Variants in AFAP1L2 observed in about 807,000 individuals in gnomAD.
AFAP1L2 encodes actin filament-associated protein 1-like 2.
AFAP1L2 carries 46 observed loss-of-function variants against 99.3 expected under a neutral mutation model. The observed-to-expected ratio is 0.46, with a 90% CI of 0.37 to 0.59. The LOEUF is 0.59. Ranked by LOEUF, AFAP1L2 falls within the 20% of genes least tolerant of loss-of-function variation. The pLI, the probability that AFAP1L2 is intolerant of heterozygous loss-of-function variation, is 0.00. For synonymous variants in AFAP1L2, 397 were observed against 419.1 expected (o/e 0.95, Z 0.64); for missense variants, 959 against 1,034.9 (o/e 0.93, Z 1.01).
At chr10:114,358,069 G>A (rs926158169) in intron 1 of AFAP1L2, among the ~76,000 whole-genome samples, 3 of 152,178 alleles carry the variant, frequency 2.0e-5, no homozygotes, top group Admixed American at 6.5e-5. Context: ...TCACTTCAAA[G>A]TGAAGTTGAA....
chr10:114,323,176 A>T lies in AFAP1L2; in HGVS notation c.401T>A (p.Leu134His), dbSNP rs1228057073. The stretch of plus-strand genomic sequence containing the variant: ...CCCCAGCCGCTGGGATGTACCATTG[A>T]GGGATGTGTCATATGGCTCAGCCTC... ...YEEAEPYDTSLNEDGEAVSSS... is the reference protein window; with the variant it reads ...YEEAEPYDTSHNEDGEAVSSS... Residue 134 changes from leucine to histidine, a missense_variant, in exon 5 of 19, where the codon CTC (leucine) becomes CAC (histidine). By Grantham distance (99) the Leu-to-His change is moderately conservative. Transcript: ENST00000304129. 1 of 1,594,718 alleles carries T rather than the reference A, an allele frequency of 6.3e-7. No homozygotes were observed. The highest frequency in any genetic ancestry group is 8.6e-7 in the Non-Finnish European group (1 of 1,169,206).
At position 114,397,894 on chromosome 10, in the gene AFAP1L2, G is replaced by A. The variant is rs74160403; in HGVS notation, c.16+6546C>T. Reference sequence around the variant, plus strand: ...TTTGAAGTCCTGGGAGGAGCTCCAGGAAGTGAGAAGAGAACTCAGGGGCCT... The same window carrying A: ...TTTGAAGTCCTGGGAGGAGCTCCAGAAAGTGAGAAGAGAACTCAGGGGCCT... On this transcript the variant is annotated intron_variant, in intron 1 of 18. Transcript: ENST00000304129. 1.1e-3 allele frequency among the ~76,000 whole-genome samples: 170 copies of A among 152,288 alleles called. 1 individual carries two copies. The highest frequency in any genetic ancestry group is 3.9e-3 in the African/African-American group (164 of 41,556).
At chr10:114,346,951 C>T (rs1222242831) in intron 1 of AFAP1L2, among the ~76,000 whole-genome samples, 2 of 152,306 alleles carry the variant, frequency 1.3e-5, no homozygotes, top group East Asian at 1.9e-4. Flanking sequence ...CAACCATAAA[C>T]GTCTTCCCAA....
Position 114,299,431 on chromosome 10 carries a change from G to C in AFAP1L2, c.1958-16C>G, listed in dbSNP as rs761144810. On this transcript the variant is annotated splice_polypyrimidine_tract_variant and intron_variant, in intron 15 of 18. Transcript: ENST00000304129. Reference sequence around the variant, plus strand: ...AGCTTGATCTCTACAGACCCAGAGAGGGAAGCCCCAGGTAAGCAGAGCTGG... The same window carrying C: ...AGCTTGATCTCTACAGACCCAGAGACGGAAGCCCCAGGTAAGCAGAGCTGG... The C allele has an allele frequency of 6.2e-7, 1 of 1,613,594 alleles. No individual in the cohort carries two copies. Among genetic ancestry groups the C allele is most frequent in the South Asian group, 1.1e-5 (1 of 91,070 alleles).
chr10:114,378,799 A>G (rs1194073731), intron 1 of AFAP1L2, among the ~76,000 whole-genome samples: 1 of 152,260 alleles, frequency 6.6e-6, no homozygotes, highest in Admixed American at 6.5e-5. Context: ...GTTCCAGGCC[A>G]TGCACCAGAT....
At chr10:114,350,255 A>C (rs2050258812) in intron 1 of AFAP1L2, among the ~76,000 whole-genome samples, 2 of 152,222 alleles carry the variant, frequency 1.3e-5, no homozygotes, top group East Asian at 3.8e-4. Flanking sequence ...TCTGTCTGGA[A>C]CTGCCCAGAA....
Position 114,300,627 on chromosome 10 carries a change from C to A in AFAP1L2, c.1606G>T (p.Val536Leu). 1 of 1,613,576 alleles carries A rather than the reference C, an allele frequency of 6.2e-7. No individual in the cohort carries two copies. The highest frequency in any genetic ancestry group is 8.5e-7 in the Non-Finnish European group (1 of 1,179,698). ...DDPNERESDR[V>L]YLDLTPVKSF... Reference sequence around the variant, plus strand: ...TTGACAGGTGTGAGGTCCAGGTACACTCGGTCAGATTCTCTCTCATTTGGG... The same window carrying A: ...TTGACAGGTGTGAGGTCCAGGTACAATCGGTCAGATTCTCTCTCATTTGGG... The change falls in exon 14 of 19, where the codon GTG becomes TTG. Residue 536 changes from valine (V) to leucine (L), a missense_variant. Coordinates refer to ENST00000304129, the MANE Select transcript of AFAP1L2 (RefSeq NM_001001936.3).
intron 4 of AFAP1L2, among the ~76,000 whole-genome samples, chr10:114,324,396 ACCCCC>A (rs56354768): frequency 0.043 from 5,506 of 126,584 alleles, 710 homozygotes; most frequent in African/African-American, 0.19. Flanking sequence ...GGGGTGCACC[ACCCCC>A]CCCCCCCCCC....
At position 114,296,802 on chromosome 10, in the gene AFAP1L2, C is replaced by T. The variant is rs1394099810; in HGVS notation, c.2430+176G>A. 4 of 1,032,718 alleles carry T rather than the reference C, an allele frequency of 3.9e-6. No individual in the cohort carries two copies. The Admixed American group carries it at 1.0e-4, about 27-fold the overall frequency. 64.0% of individuals were successfully genotyped at this position (1,032,718 alleles called of 1,614,324 possible). A position where few individuals can be genotyped will look rare whatever the true frequency, so the allele number is the denominator to read the frequency against. On this transcript the variant is annotated intron_variant, in intron 18 of 18. Transcript: ENST00000304129. ...AAGTGCAGACACCTTTCTGGTTGGT[C>T]AGTGCCAGAGACTGAGCTGAAGGCA...
At chr10:114,360,456 AATAG>A (rs1158743185) in intron 1 of AFAP1L2, among the ~76,000 whole-genome samples, 7 of 149,450 alleles carry the variant, frequency 4.7e-5, no homozygotes, top group Admixed American at 3.4e-4. Context: ...TCTCTTCCCA[AATAG>A]ATAGATACCT....
intron 1 of AFAP1L2, among the ~76,000 whole-genome samples, chr10:114,392,264 C>T (rs183368260): frequency 1.3e-5 from 2 of 152,152 alleles, no homozygotes; most frequent in Non-Finnish European, 2.9e-5. Context: ...GTAGTGTGCA[C>T]CTGTAGTCCC....
chr10:114,340,065 T>C (rs1400259169), intron 2 of AFAP1L2, among the ~76,000 whole-genome samples: 1 of 144,998 alleles, frequency 6.9e-6, no homozygotes, highest in Admixed American at 7.0e-5. Flanking sequence ...GCATGGTGGC[T>C]CACGCCTGTA....
intron 1 of AFAP1L2, among the ~76,000 whole-genome samples, chr10:114,366,715 C>T (rs1010927360): frequency 1.3e-5 from 2 of 152,168 alleles, no homozygotes; most frequent in Non-Finnish European, 2.9e-5. Flanking sequence ...CGCCTGTAAT[C>T]CCAGCACTTT....
At chr10:114,350,875 G>T (rs905410254) in intron 1 of AFAP1L2, among the ~76,000 whole-genome samples, 1 of 152,166 alleles carries the variant, frequency 6.6e-6, no homozygotes, top group Non-Finnish European at 1.5e-5. Context: ...AGGTTCCAGC[G>T]GCGACCAGGG....
chr10:114,323,787 T>A (rs2045775256), intron 4 of AFAP1L2, among the ~76,000 whole-genome samples: 1 of 152,170 alleles, frequency 6.6e-6, no homozygotes, highest in African/African-American at 2.4e-5. Flanking sequence ...ACATCGAAAT[T>A]TCAGGAGTCA....
At chr10:114,382,756 T>C (rs2055863247) in intron 1 of AFAP1L2, among the ~76,000 whole-genome samples, 1 of 151,882 alleles carries the variant, frequency 6.6e-6, no homozygotes, top group Non-Finnish European at 1.5e-5. Flanking sequence ...CCACCACACC[T>C]GGTTAATTTT....
chr10:114,345,972 G>A (rs905205820), intron 1 of AFAP1L2, among the ~76,000 whole-genome samples: 14 of 152,158 alleles, frequency 9.2e-5, no homozygotes, highest in Admixed American at 5.9e-4. Context: ...ATCAGACACC[G>A]TGGTGAACCA....
At chr10:114,342,946 A>G (rs1324904356) in intron 1 of AFAP1L2, among the ~76,000 whole-genome samples, 2 of 152,266 alleles carry the variant, frequency 1.3e-5, no homozygotes, top group Non-Finnish European at 2.9e-5. Flanking sequence ...GCCCAGCACA[A>G]TATCCAATAA....
Position 114,295,810 on chromosome 10 carries a change from T to G in AFAP1L2, c.*232A>C. On this transcript the variant is annotated 3_prime_UTR_variant, in exon 19 of 19. Coordinates refer to ENST00000304129, the MANE Select transcript of AFAP1L2 (RefSeq NM_001001936.3). The stretch of plus-strand genomic sequence containing the variant: ...AACATCCCTAAATACAACGTCTTGT[T>G]TACATCCAATAGACTTAGGTCTCCA... 4.5e-6 allele frequency: 6 copies of G among 1,345,390 alleles called. No individual in the cohort carries two copies. The South Asian group carries it at 1.2e-4, about 28-fold the overall frequency. 83.3% of individuals were successfully genotyped at this position (1,345,390 alleles called of 1,614,324 possible).
Sources: gnomAD v4.1 joint callset for allele counts (sites outside exome capture counted in the v4.1 genomes callset) on GRCh38, gnomAD v4.1.1 for gene constraint, MANE v1.5 for transcripts, NCBI Gene and HGNC (gene_info 2026-07-23, HGNC 2026-07-21) for gene names.